LARP4: variants seen among roughly 807,000 people sequenced by gnomAD.
LARP4 encodes the protein la-related protein 4.
Under a neutral mutation model 92.9 loss-of-function variants are expected in LARP4, and 29 were observed. That is an observed-to-expected ratio of 0.31 (90% CI 0.23 to 0.43). The LOEUF (loss-of-function observed/expected upper bound fraction) is 0.43. Among genes scored for constraint, LARP4 ranks in the 20% least tolerant of loss-of-function variants. The probability of loss-of-function intolerance (pLI) is 1.00; values close to 1 mark genes in which losing one functional copy is unlikely to be tolerated. For synonymous variants in LARP4, 279 were observed against 284.1 expected, an observed-to-expected ratio of 0.98 and a Z score of 0.18; for missense variants, 732 against 860.0, an observed-to-expected ratio of 0.85 and a Z score of 1.86.
At chr12:50,428,782 C>G in intron 2 of LARP4, 153 bp from the exon 3 acceptor site, 1 of 573,706 alleles carries the variant, frequency 1.7e-6, no homozygotes, top group Non-Finnish European at 3.0e-6. Context: ...ACTTATCTCC[C>G]TCGGAATGAT....
In LARP4 at chr12:50,467,062, G is replaced by C. The variant is rs1394462618; in HGVS notation, c.1487G>C (p.Gly496Ala). Residue 496 changes from glycine (G) to alanine (A), a missense_variant, in exon 13 of 16, where the codon GGT becomes GCT. Physicochemically the swap from Gly to Ala is moderately conservative, Grantham distance 60. This residue lies in a region of LARP4 where 264 missense variants were observed against 269.5 expected (regional missense o/e 0.98). Transcript: ENST00000398473. The stretch of plus-strand genomic sequence containing the variant: ...CCTGGAAGTTCATCAAGAATGCCAG[G>C]TGAACTCGTTTTGGAGAATAGGATG... ...PLPGSSSRMP[G>A]ELVLENRMSD... is the part of the protein sequence containing the mutation. The C allele has an allele frequency of 6.2e-7, 1 of 1,613,584 alleles. No homozygotes were observed. The highest frequency in any genetic ancestry group is 8.5e-7 in the Non-Finnish European group (1 of 1,179,618).
chr12:50,473,378 G>C lies in LARP4; in HGVS notation c.1546-37G>C, dbSNP rs780382748. ...ACGTGTATATCTTCTTTGGAAAAAG[G>C]TCTAAGTGTAATTTTGAAAAATCTT... On this transcript the variant is annotated intron_variant, in intron 13 of 15. Coordinates refer to ENST00000398473, the MANE Select transcript of LARP4 (RefSeq NM_052879.5). 2.6e-6 allele frequency: 4 copies of C among 1,540,462 alleles called. No individual in the cohort carries two copies. The African/African-American group carries it at 4.1e-5, about 16-fold the overall frequency.
intron 12 of LARP4, among the ~76,000 whole-genome samples, chr12:50,463,984 C>T (rs1477150850): frequency 6.6e-6 from 1 of 152,156 alleles, no homozygotes; most frequent in East Asian, 1.9e-4. Flanking sequence ...GAGTCAGAGG[C>T]TCCAAAGCCA....
chr12:50,453,699 T>C (rs367787910), intron 9 of LARP4, 27 bp downstream of exon 9: 7 of 1,377,590 alleles, frequency 5.1e-6, no homozygotes, highest in Non-Finnish European at 5.0e-6. Flanking sequence ...CAATAAAATA[T>C]AATAATATTT....
chr12:50,435,366 G>A, intron 4 of LARP4, 122 bp from the exon 5 acceptor site: 1 of 658,416 alleles, frequency 1.5e-6, no homozygotes, highest in South Asian at 2.0e-5. Flanking sequence ...AAAGTTTAAT[G>A]TTATTTCTGA....
intron 1 of LARP4, among the ~76,000 whole-genome samples, chr12:50,426,930 G>A (rs548399017): frequency 1.1e-4 from 16 of 151,890 alleles, no homozygotes; most frequent in African/African-American, 2.7e-4. Flanking sequence ...TAGAGACAGC[G>A]TTTCTCTGTG....
At chr12:50,433,102 C>G (rs1398729913) in intron 4 of LARP4, among the ~76,000 whole-genome samples, 1 of 151,988 alleles carries the variant, frequency 6.6e-6, no homozygotes, top group East Asian at 1.9e-4. Context: ...ATTACACTTA[C>G]CACATACTTA....
chr12:50,452,210 T>G (rs1279101059), intron 8 of LARP4, among the ~76,000 whole-genome samples: 1 of 152,056 alleles, frequency 6.6e-6, no homozygotes, highest in East Asian at 1.9e-4. Flanking sequence ...GATCATACGG[T>G]ACTTCTATTT....
intron 8 of LARP4, among the ~76,000 whole-genome samples, 177 bp downstream of exon 8, chr12:50,441,820 A>G (rs1300204672): frequency 6.6e-6 from 1 of 152,208 alleles, no homozygotes; most frequent in Admixed American, 6.5e-5. Flanking sequence ...AGTCCAAGGC[A>G]GGTGGATAGC....
At chr12:50,459,517 G>A (rs185878827) in intron 10 of LARP4, among the ~76,000 whole-genome samples, 7 of 151,976 alleles carry the variant, frequency 4.6e-5, no homozygotes, top group East Asian at 3.9e-4. Context: ...TCCCATTAGC[G>A]TGGTTTTGCT....
In LARP4 at chr12:50,461,364, C is replaced by G. The variant is rs752686428; in HGVS notation, c.1334+17C>G. ...TAGGGGCAGGTAAGAAAATAAAGTA[C>G]CTGAAAACCTTTGATAATAATGTGA... On this transcript the variant is annotated intron_variant, in intron 11 of 15. Transcript: ENST00000398473. 55 of 1,600,664 alleles carry G rather than the reference C, an allele frequency of 3.4e-5. No homozygotes were observed. In the South Asian group the frequency reaches 5.9e-4, roughly 17 times the overall value.
chr12:50,446,880 G>A (rs1952293825), intron 8 of LARP4, among the ~76,000 whole-genome samples: 2 of 152,098 alleles, frequency 1.3e-5, no homozygotes, highest in Non-Finnish European at 2.9e-5. Context: ...AGTTTGTCAA[G>A]GTTGGCCATA....
chr12:50,473,641 G>C, intron 14 of LARP4, 105 bp downstream of exon 14: 1 of 1,189,790 alleles, frequency 8.4e-7, no homozygotes, highest in Non-Finnish European at 1.2e-6. Context: ...CGAGGCAGGT[G>C]AATCACCTGA....
chr12:50,446,007 T>C (rs1053821251), intron 8 of LARP4, among the ~76,000 whole-genome samples: 1 of 146,114 alleles, frequency 6.8e-6, no homozygotes, highest in African/African-American at 2.5e-5. Context: ...TTTTTTCTTT[T>C]TTTTTTTTTT....
At chr12:50,422,015 G>A (rs1172279090) in intron 1 of LARP4, among the ~76,000 whole-genome samples, 1 of 151,340 alleles carries the variant, frequency 6.6e-6, no homozygotes, top group Non-Finnish European at 1.5e-5. Flanking sequence ...TGTCACCCAG[G>A]TTGGAGTGCA....
At chr12:50,443,268 G>A (rs1951510534) in intron 8 of LARP4, among the ~76,000 whole-genome samples, 1 of 151,864 alleles carries the variant, frequency 6.6e-6, no homozygotes, top group East Asian at 1.9e-4. Flanking sequence ...GTTTTGTTTT[G>A]TTTTGTTTTG....
chr12:50,419,267 G>T (rs11169420), intron 1 of LARP4, among the ~76,000 whole-genome samples: 5,543 of 152,240 alleles, frequency 0.036, 391 homozygotes, highest in East Asian at 0.24. Context: ...GGGAGGCTGA[G>T]AAGTTGGAGG....
In LARP4 at chr12:50,471,415, ATATT is replaced by A. The variant is rs1956915162; in HGVS notation, c.1546-1995_1546-1992del. 2.0e-5 allele frequency among the ~76,000 whole-genome samples: 3 copies of A among 152,198 alleles called. No individual in the cohort carries two copies. In the South Asian group the frequency reaches 6.2e-4, roughly 31 times the overall value. On this transcript the variant is annotated intron_variant, in intron 13 of 15. Coordinates refer to ENST00000398473, the MANE Select transcript of LARP4 (RefSeq NM_052879.5). ...GTGATATTCTATTGTAGGAAGTAAA[ATATT>A]TATTCATTGTACTGTTAATGGACAT...
chr12:50,439,978 A>C lies in LARP4; in HGVS notation c.640-461A>C, dbSNP rs368636610. Among the ~76,000 whole-genome samples, 19 of 152,306 alleles carry C rather than the reference A, an allele frequency of 1.2e-4. No homozygotes were observed. The East Asian group carries it at 1.7e-3, about 14-fold the overall frequency. ...ACTGGATTAAATGAGAATGCGTGAA[A>C]ATTTGTATTGCCTAGAAAATGTTAA... On this transcript the variant is annotated intron_variant, in intron 6 of 15. Transcript: ENST00000398473.
Sources: allele counts gnomAD v4.1 joint callset (sites outside exome capture counted in the v4.1 genomes callset), GRCh38; gene constraint gnomAD v4.1.1; regional missense constraint gnomAD v4.1.1; transcripts MANE v1.5; gene names NCBI Gene and HGNC (gene_info 2026-07-23, HGNC 2026-07-21).